Variants in AK3 observed in about 807,000 individuals in gnomAD.
AK3 encodes the protein GTP:AMP phosphotransferase AK3, mitochondrial.
AK3 carries 27 observed loss-of-function variants against 23.7 expected under a neutral mutation model. The ratio of observed to expected loss-of-function variants is 1.14; its 90% CI spans 0.84 to 1.57. The LOEUF (loss-of-function observed/expected upper bound fraction) is 1.57, where lower values mean the gene tolerates loss of function less well. Among genes scored for constraint, AK3 ranks in the 40% most tolerant of loss-of-function variants. The probability of loss-of-function intolerance (pLI) is 0.00; values close to 1 mark genes in which losing one functional copy is unlikely to be tolerated. For synonymous variants in AK3, 159 were observed against 116.0 expected, an observed-to-expected ratio of 1.37 and a Z score of -2.38; for missense variants, 406 against 285.6, an observed-to-expected ratio of 1.42 and a Z score of -3.04.
At chr9:4,730,623 G>A (rs1478888958) in intron 1 of AK3, among the ~76,000 whole-genome samples, 2 of 151,984 alleles carry the variant, frequency 1.3e-5, no homozygotes, top group Non-Finnish European at 1.5e-5. Context: ...AAAACAAAAC[G>A]AAAACCAGGT....
chr9:4,719,054 A>T (rs1841817809), intron 3 of AK3, 81 bp downstream of exon 3: 11 of 1,515,798 alleles, frequency 7.3e-6, no homozygotes, highest in Non-Finnish European at 9.0e-6. Flanking sequence ...GAGGATTTCC[A>T]AGTTCACTCA....
Position 4,712,982 on chromosome 9 carries a change from A to G in AK3, c.678T>C (p.Thr226=). The change falls in exon 5 of 5, where the codon ACT becomes ACC. Residue 226 remains threonine, a synonymous_variant. Coordinates refer to ENST00000381809, the MANE Select transcript of AK3 (RefSeq NM_016282.4). ...VPQRSQKASV[T]P Reference sequence around the variant, plus strand: ...TAGTTACACACATTTCTCCTCATGGAGTAACTGAAGCTTTCTGGCTTCTTT... The same window carrying G: ...TAGTTACACACATTTCTCCTCATGGGGTAACTGAAGCTTTCTGGCTTCTTT... The G allele has an allele frequency of 6.2e-7, 1 of 1,613,112 alleles. No homozygotes were observed. Among genetic ancestry groups the G allele is most frequent in the Non-Finnish European group, 8.5e-7 (1 of 1,179,484 alleles).
rs1842419762 is a variant in AK3 at position 4,741,044 on chromosome 9, G to GC, written c.43dup (p.Ala15GlyfsTer47). On this transcript the variant is annotated frameshift_variant, in exon 1 of 5. Transcript: ENST00000381809. LOFTEE classifies it high-confidence loss of function. ...CACGGTGCCCTTGCCCGAGCCCGGG[G>GC]CCCCCATGATCACCGCTCGCAGCAG... is the stretch of plus-strand genomic sequence containing the variant. 6.4e-7 allele frequency: 1 copy of GC among 1,573,866 alleles called. No homozygotes were observed. The highest frequency in any genetic ancestry group is 1.2e-5 in the South Asian group (1 of 85,654).
At chr9:4,715,873 G>A (rs763540128) in intron 4 of AK3, among the ~76,000 whole-genome samples, 4 of 152,182 alleles carry the variant, frequency 2.6e-5, no homozygotes, top group Non-Finnish European at 4.4e-5. Context: ...CTCAGTCGAC[G>A]AGGTTCAGGA....
At position 4,719,385 on chromosome 9, in the gene AK3, A is replaced by G. The variant is rs537578547; in HGVS notation, c.272-78T>C. On this transcript the variant is annotated intron_variant, in intron 2 of 4. Coordinates refer to ENST00000381809, the MANE Select transcript of AK3 (RefSeq NM_016282.4). ...TGGGGGTGGGGCGGGTGGAGAAAGA[A>G]GAAAGAAAAAGAAAGAATTAATGTT... The G allele has an allele frequency of 3.7e-6, 4 of 1,087,184 alleles. No homozygotes were observed. In the African/African-American group the frequency reaches 6.4e-5, roughly 18 times the overall value. 67.3% of individuals were successfully genotyped at this position (1,087,184 alleles called of 1,614,324 possible).
chr9:4,727,599 TC>T (rs1257421624), intron 1 of AK3, among the ~76,000 whole-genome samples: 2 of 152,298 alleles, frequency 1.3e-5, no homozygotes, highest in East Asian at 3.9e-4. Flanking sequence ...GCTGGTCTGA[TC>T]TTCTTTCTAG....
chr9:4,741,265 A>AT, upstream of AK3: 1 of 614,058 alleles, frequency 1.6e-6, no homozygotes, highest in Non-Finnish European at 2.4e-6. Flanking sequence ...ACAGCGCGGG[A>AT]CCCCGCTGTT....
At chr9:4,719,961 A>AG (rs966456688) in intron 2 of AK3, among the ~76,000 whole-genome samples, 7 of 113,286 alleles carry the variant, frequency 6.2e-5, no homozygotes, top group Non-Finnish European at 1.3e-4. Flanking sequence ...GCTAGTTGGG[A>AG]GGCGAGGTGG....
chr9:4,720,668 G>A lies in AK3; in HGVS notation c.272-1361C>T, dbSNP rs578184571. ...TGACTCCATTGCACTGCAGCCTGGTGACAGAGCAAGACACTGTCTCCAAAA... is the reference window on the plus strand; with the variant it reads ...TGACTCCATTGCACTGCAGCCTGGTAACAGAGCAAGACACTGTCTCCAAAA... On this transcript the variant is annotated intron_variant, in intron 2 of 4. Coordinates refer to ENST00000381809, the MANE Select transcript of AK3 (RefSeq NM_016282.4). Among the ~76,000 whole-genome samples the A allele has an allele frequency of 3.0e-4, 42 of 140,592 alleles. 1 individual carries two copies. Among genetic ancestry groups the A allele is most frequent in the African/African-American group, 1.1e-3 (40 of 36,542 alleles). The allele number at this position is 140,592 out of a possible 152,430, so 92.2% of individuals were successfully genotyped here.
chr9:4,734,117 A>G (rs1409422558), intron 1 of AK3, among the ~76,000 whole-genome samples: 1 of 152,218 alleles, frequency 6.6e-6, no homozygotes, highest in Non-Finnish European at 1.5e-5. Context: ...AAATGAGGTC[A>G]TAATGGGAGG....
rs992584342 is a variant in AK3, at chr9:4,719,414, C to T, written c.272-107G>A. On this transcript the variant is annotated intron_variant, in intron 2 of 4. Transcript: ENST00000381809. The stretch of plus-strand genomic sequence containing the variant: ...AGAAAAAGAAAGAATTAATGTTGGA[C>T]AATCTGAACAAAAGGAATGAGGCTC... 7 of 1,010,974 alleles carry T rather than the reference C, an allele frequency of 6.9e-6. No homozygotes were observed. The Admixed American group carries it at 1.1e-4, about 16-fold the overall frequency. The allele number at this position is 1,010,974 out of a possible 1,614,324, so 62.6% of individuals were successfully genotyped here. A position where few individuals can be genotyped will look rare whatever the true frequency, so the allele number is the denominator to read the frequency against.
rs374515313 is a variant in AK3 at position 4,718,554 on chromosome 9, G to T, written c.445-17C>A. The T allele has an allele frequency of 6.9e-5, 105 of 1,511,342 alleles. No homozygotes were observed. Among genetic ancestry groups the T allele is most frequent in the Non-Finnish European group, 9.4e-5 (102 of 1,088,160 alleles). The allele number at this position is 1,511,342 out of a possible 1,614,324, so 93.6% of individuals were successfully genotyped here. A position where few individuals can be genotyped will look rare whatever the true frequency, so the allele number is the denominator to read the frequency against. On this transcript the variant is annotated splice_polypyrimidine_tract_variant and intron_variant, in intron 3 of 4. Coordinates refer to ENST00000381809, the MANE Select transcript of AK3 (RefSeq NM_016282.4). ...ATCAATGCCCTAAACAGGATTAGAA[G>T]AGACTAGTATCAGATATCATATTTC... is the stretch of plus-strand genomic sequence containing the variant.
intron 4 of AK3, among the ~76,000 whole-genome samples, chr9:4,714,945 G>A (rs946805247): frequency 3.3e-5 from 5 of 152,124 alleles, no homozygotes; most frequent in African/African-American, 9.7e-5. Context: ...TCGGCCGGGT[G>A]TGGTGGCTCA....
intron 1 of AK3, among the ~76,000 whole-genome samples, chr9:4,736,703 G>C (rs542608397): frequency 6.6e-6 from 1 of 150,700 alleles, no homozygotes; most frequent in South Asian, 2.1e-4. Context: ...TTTTTTTTGA[G>C]ACAGGGTCTC....
chr9:4,728,345 C>T (rs11525119), intron 1 of AK3, among the ~76,000 whole-genome samples: 43,226 of 151,788 alleles, frequency 0.28, 7,445 homozygotes, highest in Non-Finnish European at 0.36. Context: ...CCGAGGCAGG[C>T]GCATCACTTG....
chr9:4,741,008 A>G lies in AK3; in HGVS notation c.80T>C (p.Ile27Thr). 1.3e-6 allele frequency: 2 copies of G among 1,594,754 alleles called. No homozygotes were observed. Among genetic ancestry groups the G allele is most frequent in the African/African-American group, 1.4e-5 (1 of 72,740 alleles). ...GTGCTTCAGCTCGAAGTGTGTAGTGATGCGCGACGACACGGTGCCCTTGCC... is the reference window on the plus strand; with the variant it reads ...GTGCTTCAGCTCGAAGTGTGTAGTGGTGCGCGACGACACGGTGCCCTTGCC... ...GSGKGTVSSRITTHFELKHLS... is the reference protein window; with the variant it reads ...GSGKGTVSSRTTTHFELKHLS... The change falls in exon 1 of 5, where the codon ATC (isoleucine) becomes ACC (threonine). Residue 27 changes from isoleucine to threonine, a missense_variant. Physicochemically the swap from Ile to Thr is moderately conservative, Grantham distance 89. Transcript: ENST00000381809.
At chr9:4,728,866 T>TATATACATACACAC (rs1395790351) in intron 1 of AK3, among the ~76,000 whole-genome samples, 2 of 87,894 alleles carry the variant, frequency 2.3e-5, no homozygotes, top group Admixed American at 2.5e-4. Flanking sequence ...TATATATATA[T>TATATACATACACAC]ACACACACAC....
At chr9:4,724,607 C>G (rs2183668) in intron 1 of AK3, among the ~76,000 whole-genome samples, 42,177 of 151,876 alleles carry the variant, frequency 0.28, 7,117 homozygotes, top group Admixed American at 0.35. Context: ...GGTGAGACCC[C>G]ATCTCTACAA....
chr9:4,720,486 C>T (rs1841865936), intron 2 of AK3, among the ~76,000 whole-genome samples: 1 of 152,134 alleles, frequency 6.6e-6, no homozygotes, highest in South Asian at 2.1e-4. Flanking sequence ...GAGTTTGAGA[C>T]CAGCCTGGGC....
Sources: allele counts gnomAD v4.1 joint callset (sites outside exome capture counted in the v4.1 genomes callset), GRCh38; gene constraint gnomAD v4.1.1; transcripts MANE v1.5; gene names NCBI Gene and HGNC (gene_info 2026-07-23, HGNC 2026-07-21).